Variants in SPATA13 observed in about 807,000 individuals in gnomAD.
The protein encoded by SPATA13 is spermatogenesis associated 13.
A neutral mutation model predicts 104.0 loss-of-function variants in SPATA13; 50 were observed. The observed-to-expected ratio is 0.48, with a 90% CI of 0.38 to 0.61. The LOEUF is 0.61. SPATA13 is among the 20% of genes least tolerant of loss of function. The pLI, the probability that SPATA13 is intolerant of heterozygous loss-of-function variation, is 0.00. For synonymous variants in SPATA13, 606 were observed against 667.5 expected (o/e 0.91, Z 1.42); for missense variants, 1,524 against 1,690.6 (o/e 0.90, Z 1.73).
intron 2 of SPATA13, among the ~76,000 whole-genome samples, chr13:24,003,478 C>T (rs946197283): frequency 1.3e-5 from 2 of 152,140 alleles, no homozygotes; most frequent in Non-Finnish European, 2.9e-5. Context: ...TGCCACAAAG[C>T]AAGTAATGCG....
intron 1 of SPATA13, among the ~76,000 whole-genome samples, chr13:24,165,711 G>A (rs1472183364): frequency 6.6e-6 from 1 of 152,222 alleles, no homozygotes; most frequent in Non-Finnish European, 1.5e-5. Flanking sequence ...GCAATGAGAT[G>A]TGTTGTGGTA....
chr13:24,118,996 C>T (rs1880946442), intron 3 of SPATA13, among the ~76,000 whole-genome samples: 1 of 150,524 alleles, frequency 6.6e-6, no homozygotes, highest in Non-Finnish European at 1.5e-5. Context: ...ACCTCCACCT[C>T]CTGGGTTCAA....
chr13:24,098,662 T>C (rs11616239), intron 3 of SPATA13, among the ~76,000 whole-genome samples: 59,009 of 150,304 alleles, frequency 0.39, 13,485 homozygotes, highest in Middle Eastern at 0.52. Flanking sequence ...GATGTGGTGG[T>C]TTATGACTGT....
chr13:23,994,718 G>A (rs575945777), intron 2 of SPATA13, among the ~76,000 whole-genome samples: 119 of 152,276 alleles, frequency 7.8e-4, no homozygotes, highest in African/African-American at 2.8e-3. Context: ...CAATATTGGG[G>A]TCTGTGTAGA....
chr13:24,155,232 G>C (rs1882224709), intron 3 of SPATA13, among the ~76,000 whole-genome samples: 1 of 152,186 alleles, frequency 6.6e-6, no homozygotes, highest in Non-Finnish European at 1.5e-5. Flanking sequence ...AAAGATGAAA[G>C]GGGGATTCTA....
At chr13:24,142,648 C>T (rs1389847813) in intron 3 of SPATA13, among the ~76,000 whole-genome samples, 1 of 152,074 alleles carries the variant, frequency 6.6e-6, no homozygotes, top group Non-Finnish European at 1.5e-5. Flanking sequence ...TTTTTTCCTC[C>T]TCCCCCTTTC....
chr13:24,120,198 G>T (rs544517457), intron 3 of SPATA13, among the ~76,000 whole-genome samples: 5 of 150,164 alleles, frequency 3.3e-5, no homozygotes, highest in Admixed American at 2.0e-4. Context: ...TTCCGCCTCT[G>T]AAAAAAAAAT....
chr13:24,261,143 T>C (rs374530005), intron 4 of SPATA13, among the ~76,000 whole-genome samples: 4 of 152,308 alleles, frequency 2.6e-5, no homozygotes, highest in African/African-American at 9.6e-5. Context: ...AGATGTGCAT[T>C]CAGAGAGATC....
At chr13:24,268,150 A>G (rs955770993) in intron 4 of SPATA13, among the ~76,000 whole-genome samples, 1 of 152,246 alleles carries the variant, frequency 6.6e-6, no homozygotes, top group African/African-American at 2.4e-5. Context: ...GTTAAAGAAG[A>G]TGGCACAGCT....
At chr13:24,253,449 G>A (rs767099681) in intron 4 of SPATA13, among the ~76,000 whole-genome samples, 6 of 141,124 alleles carry the variant, frequency 4.3e-5, no homozygotes, top group Non-Finnish European at 6.0e-5. Flanking sequence ...TCCATGCAGT[G>A]CCTCTTCAGC....
chr13:24,170,543 A>C (rs754870372), intron 1 of SPATA13, among the ~76,000 whole-genome samples: 4 of 152,156 alleles, frequency 2.6e-5, no homozygotes, highest in African/African-American at 9.7e-5. Flanking sequence ...GCTTTCGTGG[A>C]AAGTCTCCTG....
chr13:24,016,631 G>A (rs1356441131), intron 2 of SPATA13, among the ~76,000 whole-genome samples: 2 of 152,202 alleles, frequency 1.3e-5, no homozygotes, highest in East Asian at 3.8e-4. Context: ...GCAGGGCTGT[G>A]GGGGTACCTC....
intron 2 of SPATA13, among the ~76,000 whole-genome samples, chr13:24,002,544 G>A (rs1399845655): frequency 7.9e-5 from 12 of 152,174 alleles, no homozygotes; most frequent in Admixed American, 7.2e-4. Context: ...GTGGCCTGAG[G>A]CCTGGTCAGG....
chr13:24,210,976 C>G (rs1163369875), intron 1 of SPATA13, among the ~76,000 whole-genome samples: 1 of 151,898 alleles, frequency 6.6e-6, no homozygotes, highest in Admixed American at 6.6e-5. Flanking sequence ...TAAAGTTATT[C>G]CTAAGTATTT....
intron 1 of SPATA13, among the ~76,000 whole-genome samples, chr13:24,189,007 A>G (rs541196781): frequency 6.6e-6 from 1 of 152,300 alleles, no homozygotes; most frequent in South Asian, 2.1e-4. Context: ...CTGTTTAGAA[A>G]AAGGATTCTT....
rs1438997383 is a variant in SPATA13 at position 24,286,901 on chromosome 13, T to G, written c.2618T>G (p.Ile873Ser). 1 of 1,613,662 alleles carries G rather than the reference T, an allele frequency of 6.2e-7. No homozygotes were observed. Among genetic ancestry groups the G allele is most frequent in the Non-Finnish European group, 8.5e-7 (1 of 1,179,978 alleles). ...ATGCGGACCAACGTCATCCGGGAGA[T>G]CATGGACACCGAGCGGGTGTACATC... ...QQMRTNVIRE[I>S]MDTERVYIKH... Residue 873 changes from isoleucine (I) to serine (S), a missense_variant, in exon 7 of 13, where the codon ATC becomes AGC. Coordinates refer to ENST00000382108, the MANE Select transcript of SPATA13 (RefSeq NM_001166271.3). This position sits in a 1 kb window ranked among gnomAD's most constrained non-coding sequence, Gnocchi z 4.9.
intron 1 of SPATA13, among the ~76,000 whole-genome samples, chr13:24,196,388 T>C (rs913511588): frequency 1.3e-5 from 2 of 152,236 alleles, no homozygotes; most frequent in Non-Finnish European, 2.9e-5. Context: ...ATTTTTAGTA[T>C]GTAATAAAGC....
At chr13:24,301,980 TC>T (rs1375615207) in intron 12 of SPATA13, among the ~76,000 whole-genome samples, 19 of 152,074 alleles carry the variant, frequency 1.2e-4, no homozygotes, top group Admixed American at 1.0e-3. Context: ...TCATATCATT[TC>T]CCCAGTAATC....
At chr13:24,198,922 T>C (rs1013896613) in intron 1 of SPATA13, among the ~76,000 whole-genome samples, 6 of 151,346 alleles carry the variant, frequency 4.0e-5, no homozygotes, top group African/African-American at 1.5e-4. Flanking sequence ...TTTTAGAATA[T>C]ATATTACATA....
Sources: allele counts gnomAD v4.1 joint callset (sites outside exome capture counted in the v4.1 genomes callset), GRCh38; gene constraint gnomAD v4.1.1; non-coding constraint Gnocchi (gnomAD v3.1); transcripts MANE v1.5; gene names NCBI Gene and HGNC (gene_info 2026-07-23, HGNC 2026-07-21).